GABRB3: variants seen among roughly 807,000 people sequenced by gnomAD.
GABRB3 encodes gamma-aminobutyric acid receptor subunit beta-3.
A neutral mutation model predicts 52.1 loss-of-function variants in GABRB3; 14 were observed. The observed-to-expected ratio is 0.27, with a 90% CI of 0.18 to 0.42. The LOEUF (loss-of-function observed/expected upper bound fraction) is 0.42. GABRB3 is among the 10% of genes least tolerant of loss of function. The pLI is 1.00. For missense variants in GABRB3, 307 were observed against 609.1 expected, an observed-to-expected ratio of 0.50 and a Z score of 5.22; for synonymous variants, 260 against 232.3, an observed-to-expected ratio of 1.12 and a Z score of -1.08.
intron 3 of GABRB3, among the ~76,000 whole-genome samples, chr15:26,759,264 A>T (rs546073653): frequency 5.5e-4 from 83 of 152,002 alleles, no homozygotes; most frequent in African/African-American, 1.2e-3. Context: ...GCAAAAAAAA[A>T]TTTTTTTTGA....
intron 3 of GABRB3, among the ~76,000 whole-genome samples, chr15:26,709,502 CTTTTT>C (rs1167649348): frequency 1.5e-5 from 2 of 131,300 alleles, no homozygotes; most frequent in South Asian, 5.4e-4. Context: ...AACCTCTTTT[CTTTTT>C]TTTCTTTCTT....
intron 3 of GABRB3, among the ~76,000 whole-genome samples, chr15:26,649,542 G>C (rs1208491968): frequency 6.6e-6 from 1 of 152,170 alleles, no homozygotes; most frequent in African/African-American, 2.4e-5. Context: ...GGCATGACTG[G>C]AGGTAGTGTA....
chr15:26,766,338 T>C (rs1302507391), intron 3 of GABRB3, among the ~76,000 whole-genome samples: 1 of 152,186 alleles, frequency 6.6e-6, no homozygotes, highest in Non-Finnish European at 1.5e-5. Context: ...AGTTGATGAA[T>C]TCAGATGGTA....
At chr15:26,574,411 G>A (rs1289523906) in intron 6 of GABRB3, among the ~76,000 whole-genome samples, 5 of 152,074 alleles carry the variant, frequency 3.3e-5, no homozygotes, top group Non-Finnish European at 5.9e-5. Flanking sequence ...AAGTATATGA[G>A]TTAATTTCCT....
chr15:26,598,165 G>A (rs1462595536), intron 4 of GABRB3, among the ~76,000 whole-genome samples: 1 of 151,842 alleles, frequency 6.6e-6, no homozygotes, highest in Non-Finnish European at 1.5e-5. Flanking sequence ...CCTGAACAAA[G>A]TTTAATAGTA....
intron 3 of GABRB3, among the ~76,000 whole-genome samples, chr15:26,634,437 A>G (rs746855869): frequency 1.3e-5 from 2 of 152,106 alleles, no homozygotes; most frequent in Non-Finnish European, 2.9e-5. Context: ...TTCTGTCGAT[A>G]CTATTTCCTA....
rs187010154 is a variant in GABRB3, at chr15:26,735,120, G to A, written c.240+37282C>T. ...TTTCCAAAGAAGATACACAAATGGC[G>A]AATAAGCACATGAAAAGATGCTCAA... On this transcript the variant is annotated intron_variant, in intron 3 of 8. Coordinates refer to ENST00000311550, the MANE Select transcript of GABRB3 (RefSeq NM_000814.6). Among the ~76,000 whole-genome samples, 12 of 152,210 alleles carry A rather than the reference G, an allele frequency of 7.9e-5. 1 individual carries two copies. In the South Asian group the frequency reaches 1.0e-3, roughly 13 times the overall value.
chr15:26,589,755 T>C (rs1479318093), intron 4 of GABRB3, among the ~76,000 whole-genome samples: 2 of 152,124 alleles, frequency 1.3e-5, no homozygotes, highest in African/African-American at 4.8e-5. Flanking sequence ...CTGTCCACGG[T>C]TCTCTCCCCA....
chr15:26,742,761 A>G (rs1232310196), intron 3 of GABRB3, among the ~76,000 whole-genome samples: 1 of 152,020 alleles, frequency 6.6e-6, no homozygotes, highest in African/African-American at 2.4e-5. Context: ...TTTCTCCCAA[A>G]CTTTGTTATT....
chr15:26,762,763 A>G (rs758261771), intron 3 of GABRB3, among the ~76,000 whole-genome samples: 14 of 152,230 alleles, frequency 9.2e-5, no homozygotes, highest in Non-Finnish European at 1.6e-4. Flanking sequence ...TCCATGCCAC[A>G]AGGAATGACA....
chr15:26,695,076 C>T (rs943076462), intron 3 of GABRB3, among the ~76,000 whole-genome samples: 1 of 151,984 alleles, frequency 6.6e-6, no homozygotes, highest in African/African-American at 2.4e-5. Context: ...AAAGGTATAA[C>T]AAACGTATAT....
At chr15:26,768,508 A>T (rs573368856) in intron 3 of GABRB3, among the ~76,000 whole-genome samples, 2 of 152,296 alleles carry the variant, frequency 1.3e-5, no homozygotes, top group South Asian at 4.1e-4. Context: ...TATGTTTCCT[A>T]TACTTGCAAA....
chr15:26,647,956 G>C (rs1011119075), intron 3 of GABRB3, among the ~76,000 whole-genome samples: 1 of 152,166 alleles, frequency 6.6e-6, no homozygotes, highest in African/African-American at 2.4e-5. Flanking sequence ...AAGAAAAGGG[G>C]AAAAACTTAC....
intron 3 of GABRB3, among the ~76,000 whole-genome samples, chr15:26,693,605 G>GA (rs1002865435): frequency 1.3e-4 from 19 of 151,490 alleles, no homozygotes; most frequent in African/African-American, 3.9e-4. Context: ...CTCACAACAA[G>GA]AAAAAAAAGC....
At chr15:26,765,879 T>C (rs537831200) in intron 3 of GABRB3, among the ~76,000 whole-genome samples, 7 of 152,304 alleles carry the variant, frequency 4.6e-5, no homozygotes, top group South Asian at 2.1e-4. Context: ...GGAGCATCTT[T>C]TGTTGTCCTG....
At chr15:26,555,404 T>C (rs1455127472) in intron 8 of GABRB3, among the ~76,000 whole-genome samples, 1 of 152,134 alleles carries the variant, frequency 6.6e-6, no homozygotes, top group Non-Finnish European at 1.5e-5. Context: ...TGACTTGAGT[T>C]TTCAAGATTT....
intron 7 of GABRB3, among the ~76,000 whole-genome samples, chr15:26,564,898 A>T (rs1890110039): frequency 6.6e-6 from 1 of 152,214 alleles, no homozygotes; most frequent in African/African-American, 2.4e-5. Context: ...ACACTTTAGG[A>T]ATTATATGCA....
chr15:26,616,702 A>C (rs894678925), intron 4 of GABRB3, among the ~76,000 whole-genome samples: 2 of 151,822 alleles, frequency 1.3e-5, no homozygotes, highest in Non-Finnish European at 2.9e-5. Context: ...ATGCTTTTTT[A>C]GGTTATTATA....
chr15:26,585,707 T>G (rs1263310247), intron 4 of GABRB3, among the ~76,000 whole-genome samples: 1 of 152,228 alleles, frequency 6.6e-6, no homozygotes, highest in African/African-American at 2.4e-5. Flanking sequence ...CCAAATGTCA[T>G]AACACTTCCC....
Sources: allele counts gnomAD v4.1 joint callset (sites outside exome capture counted in the v4.1 genomes callset), GRCh38; gene constraint gnomAD v4.1.1; transcripts MANE v1.5; gene names NCBI Gene and HGNC (gene_info 2026-07-23, HGNC 2026-07-21).